Variants in PAPPA observed in about 807,000 individuals in gnomAD.
The protein encoded by PAPPA is pappalysin-1.
Under a neutral mutation model 164.0 loss-of-function variants are expected in PAPPA, and 60 were observed. The observed-to-expected ratio is 0.37, with a 90% CI of 0.30 to 0.45. The LOEUF (loss-of-function observed/expected upper bound fraction) is 0.45, where lower values mean the gene tolerates loss of function less well. Among genes scored for constraint, PAPPA ranks in the 20% least tolerant of loss-of-function variants. The probability of loss-of-function intolerance (pLI) is 1.00; values close to 1 mark genes in which losing one functional copy is unlikely to be tolerated. For missense variants in PAPPA, 1,782 were observed against 2,087.3 expected (o/e 0.85, Z 2.85); for synonymous variants, 875 against 814.1 (o/e 1.07, Z -1.27).
intron 3 of PAPPA, among the ~76,000 whole-genome samples, chr9:116,209,870 C>T (rs1844285370): frequency 6.6e-6 from 1 of 152,110 alleles, no homozygotes; most frequent in South Asian, 2.1e-4. Context: ...AGTCACAAGG[C>T]CAGTGTGAAG....
chr9:116,219,572 G>T (rs192079654), intron 4 of PAPPA, among the ~76,000 whole-genome samples: 1 of 152,188 alleles, frequency 6.6e-6, no homozygotes, highest in East Asian at 1.9e-4. Flanking sequence ...GGGAGGGAGG[G>T]AGTAATGGAA....
intron 9 of PAPPA, among the ~76,000 whole-genome samples, chr9:116,299,666 T>C (rs1845555632): frequency 6.6e-6 from 1 of 152,186 alleles, no homozygotes; most frequent in African/African-American, 2.4e-5. Context: ...TCTGTAGCTG[T>C]GGCATGTAGG....
In PAPPA at chr9:116,211,670, C is replaced by T; in HGVS notation, c.1656C>T (p.Gly552=). The T allele has an allele frequency of 6.2e-7, 1 of 1,614,104 alleles. No individual in the cohort carries two copies. The highest frequency in any genetic ancestry group is 1.1e-5 in the South Asian group (1 of 91,076). ...TTGTCTTGAACCCATCTTTCTATGG[C>T]ATGCCTGGGCACACCCACACCATGA... ...GGIVLNPSFY[G]MPGHTHTMIH... Residue 552 remains glycine, a synonymous_variant, in exon 4 of 22, where the codon GGC becomes GGT. Transcript: ENST00000328252.
intron 20 of PAPPA, among the ~76,000 whole-genome samples, chr9:116,381,320 T>C (rs1588028754): frequency 1.3e-5 from 2 of 152,300 alleles, no homozygotes; most frequent in East Asian, 1.9e-4. Flanking sequence ...TTCAGAAACA[T>C]TATTAAGAGC....
chr9:116,235,973 TAGA>T (rs1326071631), intron 7 of PAPPA, among the ~76,000 whole-genome samples: 1 of 152,178 alleles, frequency 6.6e-6, no homozygotes, highest in African/African-American at 2.4e-5. Context: ...CTAATGAAAG[TAGA>T]AGAACTGAAG....
chr9:116,305,127 G>GCACACAGACA (rs1845628348), intron 10 of PAPPA, among the ~76,000 whole-genome samples: 1 of 80,678 alleles, frequency 1.2e-5, no homozygotes, highest in African/African-American at 5.8e-5. Context: ...AAGTACGTGG[G>GCACACAGACA]CACACAGACA....
intron 4 of PAPPA, among the ~76,000 whole-genome samples, chr9:116,218,891 C>G (rs973168999): frequency 1.3e-5 from 2 of 152,136 alleles, no homozygotes; most frequent in African/African-American, 2.4e-5. Context: ...AATAGTAGTG[C>G]GTACTCCAAA....
chr9:116,340,949 A>C (rs1846128219), intron 13 of PAPPA, among the ~76,000 whole-genome samples: 1 of 152,164 alleles, frequency 6.6e-6, no homozygotes, highest in Admixed American at 6.5e-5. Flanking sequence ...TCATCTTCTC[A>C]AGGAGCTTCA....
intron 2 of PAPPA, among the ~76,000 whole-genome samples, chr9:116,199,180 C>A (rs189753898): frequency 6.6e-6 from 1 of 152,342 alleles, no homozygotes; most frequent in African/African-American, 2.4e-5. Context: ...CCACCCCACC[C>A]ATTACCTGGT....
intron 4 of PAPPA, among the ~76,000 whole-genome samples, chr9:116,218,122 A>G (rs1844398653): frequency 6.6e-6 from 1 of 152,186 alleles, no homozygotes; most frequent in Admixed American, 6.5e-5. Flanking sequence ...GTTATTCACT[A>G]TACTGTGTTT....
chr9:116,365,987 T>C (rs1846496030), intron 18 of PAPPA, among the ~76,000 whole-genome samples: 1 of 152,182 alleles, frequency 6.6e-6, no homozygotes, highest in South Asian at 2.1e-4. Flanking sequence ...TACATATGTA[T>C]ATTTGGAAGG....
chr9:116,263,407 G>A (rs1004059523), intron 7 of PAPPA, among the ~76,000 whole-genome samples: 1 of 152,072 alleles, frequency 6.6e-6, no homozygotes, highest in South Asian at 2.1e-4. Flanking sequence ...ATCAAGCCAC[G>A]GCACACATGG....
chr9:116,338,721 G>T (rs1381646989), intron 13 of PAPPA, among the ~76,000 whole-genome samples: 2 of 152,226 alleles, frequency 1.3e-5, no homozygotes, highest in African/African-American at 2.4e-5. Context: ...GCCTAAGCAT[G>T]TGTGTGTCTT....
At position 116,251,664 on chromosome 9, in the gene PAPPA, G is replaced by A. The variant is rs537055538; in HGVS notation, c.2733-14193G>A. On this transcript the variant is annotated intron_variant, in intron 7 of 21. Coordinates refer to ENST00000328252, the MANE Select transcript of PAPPA (RefSeq NM_002581.5). ...GGTGTTTTGGCTCCCAGAGTCCTTG[G>A]TGACTGGTCAGCTTGTCACAAGCCC... 2.0e-4 allele frequency among the ~76,000 whole-genome samples: 30 copies of A among 152,260 alleles called. No individual in the cohort carries two copies. The East Asian group carries it at 5.8e-3, about 29-fold the overall frequency.
At chr9:116,321,793 A>C (rs182825132) in intron 10 of PAPPA, among the ~76,000 whole-genome samples, 2 of 152,314 alleles carry the variant, frequency 1.3e-5, no homozygotes, top group Admixed American at 6.5e-5. Flanking sequence ...TGCATTAGAC[A>C]CTGATGAAAA....
intron 12 of PAPPA, among the ~76,000 whole-genome samples, chr9:116,334,173 T>C (rs1323870628): frequency 1.3e-5 from 2 of 151,218 alleles, no homozygotes; most frequent in African/African-American, 4.9e-5. Context: ...CTTCTGTCCC[T>C]TGTGTATCTT....
chr9:116,360,412 C>G (rs1307021842), intron 17 of PAPPA, among the ~76,000 whole-genome samples: 1 of 152,186 alleles, frequency 6.6e-6, no homozygotes, highest in Non-Finnish European at 1.5e-5. Flanking sequence ...GAGAGGTTTC[C>G]ATTGCAATTG....
At chr9:116,228,455 A>C (rs2118726057) in intron 6 of PAPPA, among the ~76,000 whole-genome samples, 1 of 152,306 alleles carries the variant, frequency 6.6e-6, no homozygotes, top group Middle Eastern at 3.4e-3. Context: ...AACACCAGTG[A>C]GAACTCCTCC....
intron 1 of PAPPA, among the ~76,000 whole-genome samples, chr9:116,174,241 C>A (rs946559357): frequency 2.0e-5 from 3 of 152,156 alleles, no homozygotes; most frequent in East Asian, 3.9e-4. Flanking sequence ...CTGGAGGGCA[C>A]CAGCCCTGCA....
Sources: allele counts gnomAD v4.1 joint callset (sites outside exome capture counted in the v4.1 genomes callset), GRCh38; gene constraint gnomAD v4.1.1; transcripts MANE v1.5; gene names NCBI Gene and HGNC (gene_info 2026-07-23, HGNC 2026-07-21).